The following H2AZ1 variants were observed in gnomAD, a reference collection of about 807,000 sequenced individuals.
H2AZ1 encodes the protein H2A.Z variant histone 1, also known as histone H2A.Z.
Under a neutral mutation model 16.6 loss-of-function variants are expected in H2AZ1, and 3 were observed. The observed-to-expected ratio is 0.18, with a 90% CI of 0.08 to 0.47. H2AZ1 has a LOEUF of 0.47. H2AZ1 is among the 20% of genes least tolerant of loss of function. The probability of loss-of-function intolerance (pLI) is 0.98; values close to 1 mark genes in which losing one functional copy is unlikely to be tolerated. For missense variants in H2AZ1, 27 were observed against 163.6 expected (o/e 0.17, Z 4.55); for synonymous variants, 78 against 60.7 (o/e 1.28, Z -1.32).
At chr4:99,948,984 C>T (rs1727204599) in intron 3 of H2AZ1, 44 bp from the exon 4 acceptor site, 3 of 1,179,198 alleles carry the variant, frequency 2.5e-6, no homozygotes, top group Admixed American at 1.7e-5. Flanking sequence ...TTTCCTTTGG[C>T]CAAGATTCAG....
Position 99,948,436 on chromosome 4 carries a change from G to A in H2AZ1, c.*26C>T, listed in dbSNP as rs765776033. On this transcript the variant is annotated 3_prime_UTR_variant, in exon 5 of 5. Coordinates refer to ENST00000296417, the MANE Select transcript of H2AZ1 (RefSeq NM_002106.4). Reference sequence around the variant, plus strand: ...CAGCTGTTAGAGTATTTAGAGTCCTGAGATAACAAGGAATCCAGGCATCCT... The same window carrying A: ...CAGCTGTTAGAGTATTTAGAGTCCTAAGATAACAAGGAATCCAGGCATCCT... 2 of 1,228,424 alleles carry A rather than the reference G, an allele frequency of 1.6e-6. No homozygotes were observed. Among genetic ancestry groups the A allele is most frequent in the African/African-American group, 1.5e-5 (1 of 67,768 alleles). The allele number at this position is 1,228,424 out of a possible 1,614,324, so 76.1% of individuals were successfully genotyped here. A position where few individuals can be genotyped will look rare whatever the true frequency, so the allele number is the denominator to read the frequency against.
rs745774401 is a variant in H2AZ1 at position 99,950,180 on chromosome 4, C to T, written c.-10G>A. On this transcript the variant is annotated 5_prime_UTR_variant, in exon 1 of 5. Coordinates refer to ENST00000296417, the MANE Select transcript of H2AZ1 (RefSeq NM_002106.4). ...CTGCGAAGTTTACCATTTCGAATTC[C>T]GCTGAAGCTCAAGCAAGCAAGGCAG... The T allele has an allele frequency of 5.0e-6, 8 of 1,608,616 alleles. No individual in the cohort carries two copies. Among genetic ancestry groups the T allele is most frequent in the South Asian group, 2.2e-5 (2 of 90,128 alleles).
Position 99,950,222 on chromosome 4 carries a change from A to AC in H2AZ1, c.-53dup, listed in dbSNP as rs755919205. 2 of 1,586,616 alleles carry AC rather than the reference A, an allele frequency of 1.3e-6. No individual in the cohort carries two copies. The highest frequency in any genetic ancestry group is 2.7e-5 in the African/African-American group (2 of 74,690). On this transcript the variant is annotated 5_prime_UTR_variant, in exon 1 of 5. Transcript: ENST00000296417. ...GCAAGGCAGAGAAAAGGCTAATCGG[A>AC]CCCACGGTGAGATCCCACCACCTAC...
chr4:99,949,455 G>T, intron 2 of H2AZ1, 69 bp from the exon 3 acceptor site: 1 of 1,129,534 alleles, frequency 8.9e-7, no homozygotes, highest in South Asian at 1.2e-5. Flanking sequence ...AATTATATGC[G>T]CGCCAAAGCA....
In H2AZ1 at chr4:99,949,873, C is replaced by T. The variant is rs557596719; in HGVS notation, c.4-133G>A. On this transcript the variant is annotated intron_variant, in intron 1 of 4. Transcript: ENST00000296417. ...GCACCCTGCCGGGGTCTCCGGCCCG[C>T]GGCGCGCCGCAGGGGCGACCCCGCC... 16 of 345,874 alleles carry T rather than the reference C, an allele frequency of 4.6e-5. No homozygotes were observed. The South Asian group carries it at 1.5e-3, about 32-fold the overall frequency. The allele number at this position is 345,874 out of a possible 1,614,324, so 21.4% of individuals were successfully genotyped here. A position where few individuals can be genotyped will look rare whatever the true frequency, so the allele number is the denominator to read the frequency against.
chr4:99,949,630 C>G (rs1727229665), intron 2 of H2AZ1, 33 bp downstream of exon 2: 2 of 1,588,862 alleles, frequency 1.3e-6, no homozygotes, highest in Middle Eastern at 3.3e-4. Flanking sequence ...AGAAAAACAT[C>G]ATGACTCCCA....
Position 99,949,648 on chromosome 4 carries a change from C to A in H2AZ1, c.81+15G>T. On this transcript the variant is annotated intron_variant, in intron 2 of 4. Coordinates refer to ENST00000296417, the MANE Select transcript of H2AZ1 (RefSeq NM_002106.4). Reference sequence around the variant, plus strand: ...AAAACATCATGACTCCCAGACTGCACGAACAACTACTGACCTGCAAGCCGG... The same window carrying A: ...AAAACATCATGACTCCCAGACTGCAAGAACAACTACTGACCTGCAAGCCGG... The A allele has an allele frequency of 2.5e-6, 4 of 1,610,196 alleles. No homozygotes were observed. Among genetic ancestry groups the A allele is most frequent in the East Asian group, 4.5e-5 (2 of 44,850 alleles).
Position 99,950,217 on chromosome 4 carries a change from A to G in H2AZ1, c.-47T>C, listed in dbSNP as rs761283253. 4.4e-6 allele frequency: 7 copies of G among 1,596,708 alleles called. No homozygotes were observed. Among genetic ancestry groups the G allele is most frequent in the Non-Finnish European group, 6.0e-6 (7 of 1,169,388 alleles). On this transcript the variant is annotated 5_prime_UTR_variant, in exon 1 of 5. Transcript: ENST00000296417. ...AGCAAGCAAGGCAGAGAAAAGGCTA[A>G]TCGGACCCACGGTGAGATCCCACCA...
chr4:99,950,093 C>T (rs1236124663), intron 1 of H2AZ1, 75 bp downstream of exon 1: 2 of 1,472,440 alleles, frequency 1.4e-6, no homozygotes, highest in Non-Finnish European at 1.9e-6. Context: ...ACTTCACCCC[C>T]ATCCCTCTGT....
chr4:99,949,587 C>G (rs752769937), intron 2 of H2AZ1, 76 bp downstream of exon 2: 29 of 1,412,136 alleles, frequency 2.1e-5, no homozygotes, highest in South Asian at 3.4e-5. Flanking sequence ...AAACGCCCAT[C>G]GAGAGCGATG....
At position 99,950,236 on chromosome 4, in the gene H2AZ1, C is replaced by G; in HGVS notation, c.-66G>C. On this transcript the variant is annotated 5_prime_UTR_variant, in exon 1 of 5. Transcript: ENST00000296417. ...AGGCTAATCGGACCCACGGTGAGAT[C>G]CCACCACCTACTCCTTCGTCGCACC... is the stretch of plus-strand genomic sequence containing the variant. The G allele has an allele frequency of 4.7e-6, 7 of 1,500,580 alleles. No homozygotes were observed. Among genetic ancestry groups the G allele is most frequent in the East Asian group, 2.3e-5 (1 of 44,126 alleles). The allele number at this position is 1,500,580 out of a possible 1,614,324, so 93.0% of individuals were successfully genotyped here.
At position 99,949,825 on chromosome 4, in the gene H2AZ1, C is replaced by A. The variant is rs1242691782; in HGVS notation, c.4-85G>T. 5 of 1,073,978 alleles carry A rather than the reference C, an allele frequency of 4.7e-6. No homozygotes were observed. The South Asian group carries it at 7.6e-5, about 16-fold the overall frequency. 66.5% of individuals were successfully genotyped at this position (1,073,978 alleles called of 1,614,324 possible). On this transcript the variant is annotated intron_variant, in intron 1 of 4. Coordinates refer to ENST00000296417, the MANE Select transcript of H2AZ1 (RefSeq NM_002106.4). ...GGCGCGCCCATCCCCCACCGCGGCG[C>A]GTCCCGCCGCGAGCGCGTCCCCGCA... is the stretch of plus-strand genomic sequence containing the variant.
At chr4:99,950,058 T>C in intron 1 of H2AZ1, 110 bp downstream of exon 1, 1 of 1,041,026 alleles carries the variant, frequency 9.6e-7, no homozygotes, top group Admixed American at 2.0e-5. Context: ...CTAAATCCTG[T>C]CTCCGCGCGT....
chr4:99,949,686 G>C lies in H2AZ1; in HGVS notation c.58C>G (p.Arg20Gly). ...SGKAKTKAVS[R>G]SQRAGLQFPV... ...ACCTGCAAGCCGGCTCTCTGCGAGC[G>C]GGAAACCGCCTTTGTCTTGGCCTTT... is the stretch of plus-strand genomic sequence containing the variant. Residue 20 changes from arginine (R) to glycine (G), a missense_variant, in exon 2 of 5, where the codon CGC becomes GGC. Arg to Gly is a moderately radical substitution (Grantham distance 125). Coordinates refer to ENST00000296417, the MANE Select transcript of H2AZ1 (RefSeq NM_002106.4). 1 of 1,614,078 alleles carries C rather than the reference G, an allele frequency of 6.2e-7. No homozygotes were observed. Among genetic ancestry groups the C allele is most frequent in the Non-Finnish European group, 8.5e-7 (1 of 1,179,964 alleles).
Position 99,948,578 on chromosome 4 carries a change from T to C in H2AZ1, c.326-55A>G, listed in dbSNP as rs1727191614. On this transcript the variant is annotated intron_variant, in intron 4 of 4. Transcript: ENST00000296417. Reference sequence around the variant, plus strand: ...TAAGATTTTTTAAAAAATCACAGTATTTGAAACCAAGAAAGTGTATACTGT... The same window carrying C: ...TAAGATTTTTTAAAAAATCACAGTACTTGAAACCAAGAAAGTGTATACTGT... 6.9e-6 allele frequency: 11 copies of C among 1,601,786 alleles called. No individual in the cohort carries two copies. The highest frequency in any genetic ancestry group is 9.4e-6 in the Non-Finnish European group (11 of 1,171,720).
chr4:99,949,486 G>A lies in H2AZ1; in HGVS notation c.82-100C>T, dbSNP rs138869217. On this transcript the variant is annotated intron_variant, in intron 2 of 4. Coordinates refer to ENST00000296417, the MANE Select transcript of H2AZ1 (RefSeq NM_002106.4). ...AAGCAAGGGGCACGGGCGCAGCAACGCGTCCCGACATCGAAACACGTGATT... is the reference window on the plus strand; with the variant it reads ...AAGCAAGGGGCACGGGCGCAGCAACACGTCCCGACATCGAAACACGTGATT... 2.0e-5 allele frequency: 20 copies of A among 991,676 alleles called. No individual in the cohort carries two copies. In the East Asian group the frequency reaches 4.1e-4, roughly 20 times the overall value. The allele number at this position is 991,676 out of a possible 1,614,324, so 61.4% of individuals were successfully genotyped here. A position where few individuals can be genotyped will look rare whatever the true frequency, so the allele number is the denominator to read the frequency against.
intron 3 of H2AZ1, 76 bp downstream of exon 3, chr4:99,949,197 A>G: frequency 1.1e-6 from 1 of 872,128 alleles, no homozygotes; most frequent in Non-Finnish European, 1.8e-6. Context: ...GTTTTCTTGC[A>G]TCACTTTCCT....
Position 99,948,164 on chromosome 4 carries a change from T to C in H2AZ1, c.*298A>G. 1.9e-6 allele frequency: 1 copy of C among 540,326 alleles called. No homozygotes were observed. The highest frequency in any genetic ancestry group is 3.4e-6 in the Non-Finnish European group (1 of 294,450). 33.5% of individuals were successfully genotyped at this position (540,326 alleles called of 1,614,324 possible). ...GTACAAAACCAAATGTTTGTTACTA[T>C]AACTTCTGCATCACAATTAAAATCC... is the stretch of plus-strand genomic sequence containing the variant. On this transcript the variant is annotated 3_prime_UTR_variant, in exon 5 of 5. Coordinates refer to ENST00000296417, the MANE Select transcript of H2AZ1 (RefSeq NM_002106.4).
chr4:99,949,359 G>A lies in H2AZ1; in HGVS notation c.109C>T (p.Leu37=). Residue 37 remains leucine, a synonymous_variant, in exon 3 of 5, where the codon CTA becomes TTA. Transcript: ENST00000296417. ...QFPVGRIHRH[L]KSRTTSHGRV... The stretch of plus-strand genomic sequence containing the variant: ...CCATGACTGGTCGTCCTAGATTTTA[G>A]GTGTCGATGAATACGGCCCACTGGG... The A allele has an allele frequency of 1.2e-6, 2 of 1,611,684 alleles. No homozygotes were observed. The highest frequency in any genetic ancestry group is 1.1e-5 in the South Asian group (1 of 91,036).
Sources: gnomAD v4.1 joint callset for allele counts on GRCh38, gnomAD v4.1.1 for gene constraint, MANE v1.5 for transcripts, NCBI Gene and HGNC (gene_info 2026-07-23, HGNC 2026-07-21) for gene names.